Variants in ZDHHC23 observed in about 807,000 individuals in gnomAD.
The protein encoded by ZDHHC23 is zDHHC palmitoyltransferase 23.
Under a neutral mutation model 40.2 loss-of-function variants are expected in ZDHHC23, and 41 were observed. The observed-to-expected ratio is 1.02, with a 90% confidence interval of 0.79 to 1.32. The LOEUF (loss-of-function observed/expected upper bound fraction) is 1.32. Among genes scored for constraint, ZDHHC23 ranks in the 40% most tolerant of loss-of-function variants. The probability of loss-of-function intolerance (pLI) is 0.00; values close to 1 mark genes in which losing one functional copy is unlikely to be tolerated. For missense variants in ZDHHC23, 471 were observed against 541.5 expected (o/e 0.87, Z 1.29); for synonymous variants, 204 against 210.2 (o/e 0.97, Z 0.26).
rs1186072881 is a variant in ZDHHC23, at chr3:113,962,929, C to T, written c.*4299C>T. ...AATTACTTCCATTTATGTAAAATAA[C>T]GTCCTGTGACCAAGTTGTTTAAATG... is the stretch of plus-strand genomic sequence containing the variant. On this transcript the variant is annotated 3_prime_UTR_variant, in exon 5 of 5. Coordinates refer to ENST00000638807, the MANE Select transcript of ZDHHC23 (RefSeq NM_001320466.2). 1 of 152,168 alleles carries T rather than the reference C, an allele frequency of 6.6e-6. No individual in the cohort carries two copies. Among genetic ancestry groups the T allele is most frequent in the Non-Finnish European group, 1.5e-5 (1 of 68,024 alleles). 9.4% of individuals were successfully genotyped at this position (152,168 alleles called of 1,614,324 possible).
intron 2 of ZDHHC23, 72 bp downstream of exon 2, chr3:113,949,035 G>A (rs1277568057): frequency 1.3e-6 from 2 of 1,575,308 alleles, no homozygotes; most frequent in African/African-American, 2.7e-5. Context: ...TTTCAACCTA[G>A]CCACCCAGAA....
At chr3:113,967,854 AT>A (rs1940372353), downstream of ZDHHC23, among the ~76,000 whole-genome samples, 1 of 152,130 alleles carries the variant, frequency 6.6e-6, no homozygotes, top group Non-Finnish European at 1.5e-5. Context: ...TGAGATTCAC[AT>A]TTTTTAGCTC....
chr3:113,948,036 G>C lies in ZDHHC23; in HGVS notation c.-272G>C, dbSNP rs556527853. ...TCACAGGTGGGCGGCTGCGGCGAGG[G>C]AGCGGCCGAGCGGAGCCCGGGTCCC... On this transcript the variant is annotated 5_prime_UTR_variant, in exon 1 of 5. Coordinates refer to ENST00000638807, the MANE Select transcript of ZDHHC23 (RefSeq NM_001320466.2). 6.6e-6 allele frequency: 1 copy of C among 151,446 alleles called. No individual in the cohort carries two copies. The highest frequency in any genetic ancestry group is 2.4e-5 in the African/African-American group (1 of 41,448). 9.4% of individuals were successfully genotyped at this position (151,446 alleles called of 1,614,324 possible). A position where few individuals can be genotyped will look rare whatever the true frequency, so the allele number is the denominator to read the frequency against.
chr3:113,966,836 C>T (rs1468490891), downstream of ZDHHC23, among the ~76,000 whole-genome samples: 2 of 152,216 alleles, frequency 1.3e-5, no homozygotes, highest in African/African-American at 2.4e-5. Context: ...CGGTGGGTCA[C>T]ACCTGTAATC....
In ZDHHC23 at chr3:113,948,980, T is replaced by A; in HGVS notation, c.161+17T>A. 1 of 1,613,790 alleles carries A rather than the reference T, an allele frequency of 6.2e-7. No homozygotes were observed. Among genetic ancestry groups the A allele is most frequent in the Non-Finnish European group, 8.5e-7 (1 of 1,179,880 alleles). ...GTGTGATCGGTAAGAACAGAGCATT[T>A]CTTGACGCTGGCCCCATCACCCTTC... is the stretch of plus-strand genomic sequence containing the variant. On this transcript the variant is annotated intron_variant, in intron 2 of 4. Coordinates refer to ENST00000638807, the MANE Select transcript of ZDHHC23 (RefSeq NM_001320466.2).
At chr3:113,964,078 T>C (rs1939880551), downstream of ZDHHC23, 1 of 152,162 alleles carries the variant, frequency 6.6e-6, no homozygotes, top group Non-Finnish European at 1.5e-5. Context: ...TCTTAAGTCG[T>C]GTAGCAGGTG....
In ZDHHC23 at chr3:113,960,009, T is replaced by A. The variant is rs1004407378; in HGVS notation, c.*1379T>A. ...ATGAGGAAAATACCCTTTTGAAATGTTAGTTTTGAACATGTACTGTTGTGC... is the reference window on the plus strand; with the variant it reads ...ATGAGGAAAATACCCTTTTGAAATGATAGTTTTGAACATGTACTGTTGTGC... On this transcript the variant is annotated 3_prime_UTR_variant, in exon 5 of 5. Coordinates refer to ENST00000638807, the MANE Select transcript of ZDHHC23 (RefSeq NM_001320466.2). The A allele has an allele frequency of 1.0e-5, 10 of 992,410 alleles. No homozygotes were observed. The highest frequency in any genetic ancestry group is 1.1e-5 in the Non-Finnish European group (9 of 833,416). 61.5% of individuals were successfully genotyped at this position (992,410 alleles called of 1,614,324 possible). A position where few individuals can be genotyped will look rare whatever the true frequency, so the allele number is the denominator to read the frequency against.
At chr3:113,978,828 T>C in the ZDHHC23 span, 3 of 1,599,412 alleles carry the variant, frequency 1.9e-6, no homozygotes, top group East Asian at 6.7e-5. Context: ...CAATGAGATG[T>C]ATTTAAGGTA....
chr3:113,957,525 C>G (rs977019851), intron 4 of ZDHHC23: 1 of 373,180 alleles, frequency 2.7e-6, no homozygotes, highest in African/African-American at 2.1e-5. Flanking sequence ...TGTGCACTCT[C>G]GGTGCGGAGG....
chr3:113,978,211 C>A, the ZDHHC23 span: 1 of 1,614,044 alleles, frequency 6.2e-7, no homozygotes, highest in Non-Finnish European at 8.5e-7. Flanking sequence ...GCTGCAATCT[C>A]ATGCTTGCCC....
At chr3:113,950,026 A>G (rs1441148765) in intron 2 of ZDHHC23, among the ~76,000 whole-genome samples, 1 of 152,124 alleles carries the variant, frequency 6.6e-6, no homozygotes, top group Non-Finnish European at 1.5e-5. Context: ...ATCACTCAAG[A>G]CCGCAGCTCT....
intron 1 of ZDHHC23, 31 bp from the exon 2 acceptor site, chr3:113,948,655 C>G (rs1577242826): frequency 1.1e-6 from 1 of 904,830 alleles, no homozygotes; most frequent in Non-Finnish European, 1.6e-6. Context: ...GGACCCCCTC[C>G]CCCTCTCTCT....
Position 113,948,814 on chromosome 3 carries a change from G to A in ZDHHC23, c.12G>A (p.Lys4=), listed in dbSNP as rs775504777. The change falls in exon 2 of 5, where the codon AAG becomes AAA. Residue 4 remains lysine (K), a synonymous_variant. Coordinates refer to ENST00000638807, the MANE Select transcript of ZDHHC23 (RefSeq NM_001320466.2). ...GACAGGTGCAAATCATGACACAGAA[G>A]GGCAGTATGAAGCCTGTGAAGAAAA... MTQ[K]GSMKPVKKKK... 5.6e-6 allele frequency: 9 copies of A among 1,614,190 alleles called. No homozygotes were observed. In the East Asian group the frequency reaches 1.3e-4, roughly 24 times the overall value.
intron 4 of ZDHHC23, among the ~76,000 whole-genome samples, chr3:113,956,833 T>C (rs987128053): frequency 1.3e-5 from 2 of 152,182 alleles, no homozygotes; most frequent in Non-Finnish European, 2.9e-5. Context: ...AAACAAAAAC[T>C]AGCAGCCCCA....
Position 113,960,460 on chromosome 3 carries a change from A to G in ZDHHC23, c.*1830A>G. On this transcript the variant is annotated 3_prime_UTR_variant, in exon 5 of 5. Coordinates refer to ENST00000638807, the MANE Select transcript of ZDHHC23 (RefSeq NM_001320466.2). ...ACAGGTTTTACATAAGAGAGACAGT[A>G]ATAATGTCAAGGATAGCCTGTGTGG... 7.3e-7 allele frequency: 1 copy of G among 1,374,632 alleles called. No homozygotes were observed. The highest frequency in any genetic ancestry group is 9.3e-7 in the Non-Finnish European group (1 of 1,071,058). 85.2% of individuals were successfully genotyped at this position (1,374,632 alleles called of 1,614,324 possible). A position where few individuals can be genotyped will look rare whatever the true frequency, so the allele number is the denominator to read the frequency against.
chr3:113,958,665 C>A lies in ZDHHC23; in HGVS notation c.*35C>A. 1 of 1,593,264 alleles carries A rather than the reference C, an allele frequency of 6.3e-7. No individual in the cohort carries two copies. Among genetic ancestry groups the A allele is most frequent in the East Asian group, 2.2e-5 (1 of 44,754 alleles). Reference sequence around the variant, plus strand: ...TATGTGGCTCTCTGAGGGATGATGGCTCCTCCTTCCGTCTCCCTTCCATTT... The same window carrying A: ...TATGTGGCTCTCTGAGGGATGATGGATCCTCCTTCCGTCTCCCTTCCATTT... On this transcript the variant is annotated 3_prime_UTR_variant, in exon 5 of 5. Transcript: ENST00000638807.
chr3:113,977,521 A>C, the ZDHHC23 span, among the ~76,000 whole-genome samples: 10,228 of 143,530 alleles, frequency 0.071, 1,016 homozygotes, highest in African/African-American at 0.22. Flanking sequence ...GGATTAAATA[A>C]AACATAACTG....
At chr3:113,972,219 T>G in the ZDHHC23 span, among the ~76,000 whole-genome samples, 3 of 152,232 alleles carry the variant, frequency 2.0e-5, no homozygotes, top group East Asian at 1.9e-4. Flanking sequence ...GCTATAAACT[T>G]CTCTCTTAAA....
Position 113,956,443 on chromosome 3 carries a change from T to C in ZDHHC23, c.977T>C (p.Ile326Thr). 1 of 1,614,210 alleles carries C rather than the reference T, an allele frequency of 6.2e-7. No individual in the cohort carries two copies. The highest frequency in any genetic ancestry group is 1.1e-5 in the South Asian group (1 of 91,088). The stretch of plus-strand genomic sequence containing the variant: ...GGGATCACACTGACCTTGGACACCA[T>C]TTGTAGAGACAGAAGTGTCTTCACA... ...VYGITLTLDT[I>T]CRDRSVFTAL... Residue 326 changes from isoleucine to threonine, a missense_variant, in exon 4 of 5, where the codon ATT becomes ACT. Physicochemically the swap from Ile to Thr is moderately conservative, Grantham distance 89 (BLOSUM62 -1). This residue lies in a region of ZDHHC23 where 346 missense variants were observed against 399.8 expected (regional missense o/e 0.87). Coordinates refer to ENST00000638807, the MANE Select transcript of ZDHHC23 (RefSeq NM_001320466.2).
Sources: allele counts gnomAD v4.1 joint callset (sites outside exome capture counted in the v4.1 genomes callset), GRCh38; gene constraint gnomAD v4.1.1; regional missense constraint gnomAD v4.1.1; transcripts MANE v1.5; gene names NCBI Gene and HGNC (gene_info 2026-07-23, HGNC 2026-07-21).